TMSB4X: variants seen among roughly 807,000 people sequenced by gnomAD.
TMSB4X encodes the protein thymosin beta 4 X-linked.
Under a neutral mutation model 3.6 loss-of-function variants are expected in TMSB4X, and 1 was observed. That is an observed-to-expected ratio of 0.28 (90% CI 0.10 to 1.32). The LOEUF (loss-of-function observed/expected upper bound fraction) is 1.32, where lower values mean the gene tolerates loss of function less well. Among genes scored for constraint, TMSB4X ranks in the 40% most tolerant of loss-of-function variants. The pLI is 0.45. For missense variants in TMSB4X, 6 were observed against 32.7 expected (o/e 0.18, Z 1.99); for synonymous variants, 12 against 14.3 (o/e 0.84, Z 0.36).
Position 12,977,062 on chromosome X carries a change from TG to T in TMSB4X, c.*255del. 2.5e-6 allele frequency: 1 copy of T among 402,913 alleles called. No individual in the cohort carries two copies. Among genetic ancestry groups the T allele is most frequent in the Non-Finnish European group, 4.3e-6 (1 of 230,773 alleles). 33.2% of individuals were successfully genotyped at this position (402,913 alleles called of 1,213,427 possible). A position where few individuals can be genotyped will look rare whatever the true frequency, so the allele number is the denominator to read the frequency against. On this transcript the variant is annotated 3_prime_UTR_variant, in exon 3 of 3. Transcript: ENST00000451311. ...GAAGGAAGAAGTGGGGTGGAAGAAG[TG>T]GGGTGGGACGACAGTGAAATCTAGA...
rs965982625 is a variant in TMSB4X at position 12,976,439 on chromosome X, C to G, written c.100+78C>G. 6 of 865,020 alleles carry G rather than the reference C, an allele frequency of 6.9e-6. No homozygotes were observed. In the Admixed American group the frequency reaches 7.8e-5, roughly 11 times the overall value. The allele number at this position is 865,020 out of a possible 1,213,427, so 71.3% of individuals were successfully genotyped here. On this transcript the variant is annotated intron_variant, in intron 2 of 2. Coordinates refer to ENST00000451311, the MANE Select transcript of TMSB4X (RefSeq NM_021109.4). Reference sequence around the variant, plus strand: ...GGGAGGGCGGGAGGCTGGGAGCGGCCGCGGGAAGAATTCGGGAGGGGGGAG... The same window carrying G: ...GGGAGGGCGGGAGGCTGGGAGCGGCGGCGGGAAGAATTCGGGAGGGGGGAG...
rs748056763 is a variant in TMSB4X at position 12,976,916 on chromosome X, A to G, written c.*105A>G. The stretch of plus-strand genomic sequence containing the variant: ...TGTAAGATGCAAAGAGGTTGGATCA[A>G]GTTTAAATGACTGTGCTGCCCCTTT... On this transcript the variant is annotated 3_prime_UTR_variant, in exon 3 of 3. Transcript: ENST00000451311. The G allele has an allele frequency of 4.4e-6, 4 of 918,535 alleles. No homozygotes were observed. Among genetic ancestry groups the G allele is most frequent in the Non-Finnish European group, 6.1e-6 (4 of 651,826 alleles). 75.7% of individuals were successfully genotyped at this position (918,535 alleles called of 1,213,427 possible). A position where few individuals can be genotyped will look rare whatever the true frequency, so the allele number is the denominator to read the frequency against.
intron 1 of TMSB4X, chrX:12,975,593 T>C (rs1190577278): frequency 8.8e-6 from 1 of 113,343 alleles, no homozygotes; most frequent in Non-Finnish European, 1.9e-5. Flanking sequence ...GGCTGTGCTA[T>C]GACATCTTTA....
chrX:12,975,971 A>T (rs1419077097), intron 1 of TMSB4X: 2 of 217,345 alleles, frequency 9.2e-6, no homozygotes, highest in African/African-American at 5.8e-5. Flanking sequence ...AACAATTCGC[A>T]GTGGTCAATT....
At chrX:12,975,435 C>T (rs2043289685) in intron 1 of TMSB4X, 3 of 113,337 alleles carry the variant, frequency 2.6e-5, no homozygotes, top group Middle Eastern at 1.1e-3. Context: ...TTAGTGTTTG[C>T]CCGCAAAGGT....
chrX:12,976,419 G>A (rs2043296525), intron 2 of TMSB4X, 58 bp downstream of exon 2: 3 of 1,060,891 alleles, frequency 2.8e-6, no homozygotes, highest in Non-Finnish European at 3.9e-6. Flanking sequence ...CCGGTGGGAG[G>A]GCGGGAGGCT....
chrX:12,976,460 G>A (rs907119774), intron 2 of TMSB4X, 99 bp downstream of exon 2: 2 of 716,498 alleles, frequency 2.8e-6, no homozygotes, highest in Non-Finnish European at 4.3e-6. Context: ...TTCGGGAGGG[G>A]GGAGTGCGGG....
intron 1 of TMSB4X, chrX:12,975,509 T>C (rs757793863): frequency 1.8e-5 from 2 of 113,185 alleles, no homozygotes; most frequent in Admixed American, 9.2e-5. Flanking sequence ...CTGAGGTTCA[T>C]CTTCCGAGCC....
Position 12,975,173 on chromosome X carries a change from GC to G in TMSB4X, c.-17+9del. On this transcript the variant is annotated splice_donor_region_variant and intron_variant, in intron 1 of 2. Transcript: ENST00000451311. ...GTACTCGTGCGCCTCGCTTCGGTGA[GC>G]CCCAGGGCCCCTGCCTCCTTCCTCC... 1 of 119,204 alleles carries G rather than the reference GC, an allele frequency of 8.4e-6. No homozygotes were observed. The highest frequency in any genetic ancestry group is 1.8e-5 in the Non-Finnish European group (1 of 55,047). 9.8% of individuals were successfully genotyped at this position (119,204 alleles called of 1,213,427 possible).
intron 1 of TMSB4X, chrX:12,975,924 T>C (rs1569127766): frequency 7.3e-6 from 1 of 136,172 alleles, no homozygotes; most frequent in Admixed American, 8.5e-5. Context: ...TCTTCTTTCC[T>C]TGTCCTAGCC....
At chrX:12,976,533 A>G (rs2043297346) in intron 2 of TMSB4X, among the ~76,000 whole-genome samples, 172 bp downstream of exon 2, 1 of 111,816 alleles carries the variant, frequency 8.9e-6, no homozygotes, top group South Asian at 3.7e-4. Flanking sequence ...TTTGCAGCCA[A>G]CAAACACGGG....
At chrX:12,976,202 C>A in intron 1 of TMSB4X, 44 bp from the exon 2 acceptor site, 2 of 998,741 alleles carry the variant, frequency 2.0e-6, no homozygotes, top group Non-Finnish European at 2.8e-6. Flanking sequence ...GACAGCGGGG[C>A]GGGTGGCTCT....
In TMSB4X at chrX:12,975,183, CCCTGCCTCCTTCCT is replaced by C. The variant is rs1424947499; in HGVS notation, c.-17+22_-17+35del. The stretch of plus-strand genomic sequence containing the variant: ...GCCTCGCTTCGGTGAGCCCCAGGGC[CCCTGCCTCCTTCCT>C]CCTGCCGTCCTGCCTCCGTCCCCGC... On this transcript the variant is annotated intron_variant, in intron 1 of 2. Coordinates refer to ENST00000451311, the MANE Select transcript of TMSB4X (RefSeq NM_021109.4). 8.5e-6 allele frequency: 1 copy of C among 117,332 alleles called. No homozygotes were observed. The highest frequency in any genetic ancestry group is 1.8e-5 in the Non-Finnish European group (1 of 54,799). The allele number at this position is 117,332 out of a possible 1,213,427, so 9.7% of individuals were successfully genotyped here.
intron 1 of TMSB4X, chrX:12,975,668 G>C (rs1742450179): frequency 8.8e-6 from 1 of 113,780 alleles, no homozygotes; most frequent in South Asian, 3.5e-4. Context: ...GGCAAGACCG[G>C]CTTCGGGGCG....
At chrX:12,976,095 A>AG in intron 1 of TMSB4X, 151 bp from the exon 2 acceptor site, 1 of 429,610 alleles carries the variant, frequency 2.3e-6, no homozygotes, top group Non-Finnish European at 4.1e-6. Context: ...CTGTAGAAAG[A>AG]GGAAGCTCGT....
rs41311479 is a variant in TMSB4X at position 12,975,167 on chromosome X, C to T, written c.-18C>T. 11,897 of 117,665 alleles carry T rather than the reference C, an allele frequency of 0.1. 513 individuals are homozygous for T. Among genetic ancestry groups the T allele is most frequent in the Middle Eastern group, 0.13 (195 of 1,466 alleles). 9.7% of individuals were successfully genotyped at this position (117,665 alleles called of 1,213,427 possible). A position where few individuals can be genotyped will look rare whatever the true frequency, so the allele number is the denominator to read the frequency against. ...TCGCTCGTACTCGTGCGCCTCGCTT[C>T]GGTGAGCCCCAGGGCCCCTGCCTCC... is the stretch of plus-strand genomic sequence containing the variant. On this transcript the variant is annotated splice_region_variant and 5_prime_UTR_variant, in exon 1 of 3. Transcript: ENST00000451311.
chrX:12,976,698 A>G, intron 2 of TMSB4X, 79 bp from the exon 3 acceptor site: 6 of 1,097,814 alleles, frequency 5.5e-6, no homozygotes, highest in Non-Finnish European at 7.4e-6. Context: ...AAGATGCTTT[A>G]AATGAAAGCC....
intron 2 of TMSB4X, 59 bp downstream of exon 2, chrX:12,976,420 G>GC (rs1441637378): frequency 9.5e-7 from 1 of 1,054,384 alleles, no homozygotes; most frequent in Non-Finnish European, 1.3e-6. Context: ...CGGTGGGAGG[G>GC]CGGGAGGCTG....
intron 1 of TMSB4X, chrX:12,975,549 CGCGGGCTGCATCTGTGCAGCCTG>C (rs2043290656): frequency 8.8e-6 from 1 of 113,340 alleles, no homozygotes; most frequent in Admixed American, 9.2e-5. Flanking sequence ...CGGACGGCTG[CGCGGGCTGCATCTGTGCAGCCTG>C]GCGGCGGCGG....
Sources: gnomAD v4.1 joint callset for allele counts (sites outside exome capture counted in the v4.1 genomes callset) on GRCh38, gnomAD v4.1.1 for gene constraint, MANE v1.5 for transcripts, NCBI Gene and HGNC (gene_info 2026-07-23, HGNC 2026-07-21) for gene names.